The following IL1RAPL1 variants were observed in gnomAD, a reference collection of about 807,000 sequenced individuals.
IL1RAPL1 encodes interleukin-1 receptor accessory protein-like 1.
IL1RAPL1 carries 3 observed loss-of-function variants against 48.4 expected under a neutral mutation model. That is an observed-to-expected ratio of 0.06 (90% CI 0.03 to 0.16). IL1RAPL1 has a LOEUF of 0.16. Ranked by LOEUF, IL1RAPL1 falls within the 10% of genes least tolerant of loss-of-function variation. IL1RAPL1 has a pLI of 1.00. For synonymous variants in IL1RAPL1, 185 were observed against 187.7 expected, an observed-to-expected ratio of 0.99 and a Z score of 0.12; for missense variants, 349 against 530.6, an observed-to-expected ratio of 0.66 and a Z score of 3.36.
At chrX:28,652,327 T>C (rs1412837407) in intron 1 of IL1RAPL1, among the ~76,000 whole-genome samples, 5 of 111,429 alleles carry the variant, frequency 4.5e-5, no homozygotes, top group Admixed American at 9.5e-5. Context: ...ACAGAGTGTA[T>C]TGAAGAATGT....
chrX:29,234,588 C>T (rs1016545668), intron 2 of IL1RAPL1, among the ~76,000 whole-genome samples: 3 of 112,035 alleles, frequency 2.7e-5, no homozygotes, highest in Admixed American at 1.9e-4. Context: ...TATCATCTGT[C>T]CTCCTACACA....
chrX:28,768,254 TCTTTA>T (rs903162323), intron 1 of IL1RAPL1, among the ~76,000 whole-genome samples: 1 of 111,454 alleles, frequency 9.0e-6, no homozygotes, highest in African/African-American at 3.3e-5. Flanking sequence ...TGCACTTTGA[TCTTTA>T]CTTTGTATTA....
chrX:29,636,328 A>T (rs1334897117), intron 5 of IL1RAPL1, among the ~76,000 whole-genome samples: 1 of 112,009 alleles, frequency 8.9e-6, no homozygotes, highest in East Asian at 2.8e-4. Context: ...ACAACTTAAA[A>T]CAATAGTGAG....
At chrX:29,555,278 A>G (rs1921955763) in intron 5 of IL1RAPL1, among the ~76,000 whole-genome samples, 1 of 112,500 alleles carries the variant, frequency 8.9e-6, no homozygotes, top group Non-Finnish European at 1.9e-5. Context: ...GATCTGTTTG[A>G]CCTACAGAGA....
intron 1 of IL1RAPL1, among the ~76,000 whole-genome samples, chrX:28,674,253 TA>T (rs1234685326): frequency 1.2e-4 from 13 of 106,594 alleles, no homozygotes; most frequent in East Asian, 5.9e-4. Flanking sequence ...AAGTAAGATT[TA>T]AAAAAAAAAC....
At chrX:29,752,411 G>A (rs1254393909) in intron 6 of IL1RAPL1, among the ~76,000 whole-genome samples, 1 of 102,379 alleles carries the variant, frequency 9.8e-6, no homozygotes, top group Non-Finnish European at 2.0e-5. Context: ...CAGGAGAATC[G>A]CTTGAACCCA....
intron 3 of IL1RAPL1, among the ~76,000 whole-genome samples, chrX:29,336,153 A>G (rs1027714352): frequency 8.8e-5 from 9 of 102,531 alleles, no homozygotes; most frequent in African/African-American, 3.2e-4. Context: ...ATATACCTAT[A>G]TTATTATTCT....
rs757087278 is a variant in IL1RAPL1 at position 29,668,413 on chromosome X, T to A, written c.704-17T>A. 2.6e-6 allele frequency: 3 copies of A among 1,167,180 alleles called. No homozygotes were observed. The highest frequency in any genetic ancestry group is 3.5e-6 in the Non-Finnish European group (3 of 855,091). ...ATAACTATAAGTCTCTGTATTATTA[T>A]TGTTGTTGTTTTTCAGCCCCTCTGA... On this transcript the variant is annotated splice_polypyrimidine_tract_variant and intron_variant, in intron 5 of 10. Coordinates refer to ENST00000378993, the MANE Select transcript of IL1RAPL1 (RefSeq NM_014271.4).
chrX:29,491,779 A>G (rs970498668), intron 5 of IL1RAPL1, among the ~76,000 whole-genome samples: 1 of 111,148 alleles, frequency 9.0e-6, no homozygotes, highest in Non-Finnish European at 1.9e-5. Context: ...GAAAAGTTTT[A>G]TTTTCTACTA....
chrX:29,011,019 GA>G (rs1052305794), intron 2 of IL1RAPL1, among the ~76,000 whole-genome samples: 1 of 111,573 alleles, frequency 9.0e-6, no homozygotes, highest in South Asian at 3.7e-4. Context: ...TGAGAGGGAA[GA>G]AAAAAATCTA....
intron 3 of IL1RAPL1, among the ~76,000 whole-genome samples, chrX:29,311,702 AATTT>A (rs1191419637): frequency 4.5e-5 from 5 of 112,054 alleles, no homozygotes; most frequent in African/African-American, 9.7e-5. Flanking sequence ...CAAAGAAAAA[AATTT>A]ATTTATTTTT....
chrX:29,870,506 G>T (rs1002174249), intron 6 of IL1RAPL1, among the ~76,000 whole-genome samples: 1 of 111,934 alleles, frequency 8.9e-6, no homozygotes, highest in Non-Finnish European at 1.9e-5. Context: ...GCTTGTATTA[G>T]TCATAATTCC....
At chrX:29,715,397 C>A (rs140354435) in intron 6 of IL1RAPL1, among the ~76,000 whole-genome samples, 1,853 of 111,276 alleles carry the variant, frequency 0.017, 35 homozygotes, top group African/African-American at 0.057. Context: ...TGCTGTTGCT[C>A]TAGATAACAC....
intron 2 of IL1RAPL1, among the ~76,000 whole-genome samples, chrX:29,176,275 T>G (rs915939806): frequency 2.9e-5 from 3 of 103,140 alleles, no homozygotes; most frequent in African/African-American, 1.1e-4. Flanking sequence ...TTTTTTTTTT[T>G]GTATTTTTTT....
intron 5 of IL1RAPL1, among the ~76,000 whole-genome samples, chrX:29,639,202 C>G (rs866354841): frequency 9.7e-6 from 1 of 102,696 alleles, no homozygotes; most frequent in Non-Finnish European, 2.0e-5. Context: ...AAAAAAAAAA[C>G]AGGTTTTAAA....
intron 2 of IL1RAPL1, among the ~76,000 whole-genome samples, chrX:29,193,380 T>C (rs773829639): frequency 9.0e-6 from 1 of 111,200 alleles, no homozygotes; most frequent in Admixed American, 9.7e-5. Context: ...AAATAAAGTT[T>C]TCTGTTTTTT....
chrX:29,168,669 T>TAGTATATATATTCATATATACA lies in IL1RAPL1; in HGVS notation c.83-114268_83-114267insGTATATATATTCATATATACAA, dbSNP rs1929840110. 2.1e-5 allele frequency among the ~76,000 whole-genome samples: 2 copies of TAGTATATATATTCATATATACA among 96,204 alleles called. 1 individual carries two copies. Among genetic ancestry groups the TAGTATATATATTCATATATACA allele is most frequent in the Non-Finnish European group, 4.1e-5 (2 of 48,884 alleles). The allele number at this position is 96,204 out of a possible 115,157, so 83.5% of individuals were successfully genotyped here. On this transcript the variant is annotated intron_variant, in intron 2 of 10. Coordinates refer to ENST00000378993, the MANE Select transcript of IL1RAPL1 (RefSeq NM_014271.4). ...ATGTATTGTATATGTATTGTATATA[T>TAGTATATATATTCATATATACA]ATTGTATATATATTCATATGTACAA...
intron 3 of IL1RAPL1, among the ~76,000 whole-genome samples, chrX:29,367,307 A>G (rs1933475917): frequency 8.9e-6 from 1 of 111,985 alleles, no homozygotes; most frequent in South Asian, 3.7e-4. Context: ...AGAACAGAGG[A>G]GCAAGATGAA....
chrX:29,192,604 G>T (rs1446567017), intron 2 of IL1RAPL1, among the ~76,000 whole-genome samples: 2 of 111,525 alleles, frequency 1.8e-5, no homozygotes, highest in Non-Finnish European at 3.8e-5. Flanking sequence ...TAATGGTTTT[G>T]GCTTATAATA....
Sources: allele counts gnomAD v4.1 joint callset (sites outside exome capture counted in the v4.1 genomes callset), GRCh38; gene constraint gnomAD v4.1.1; transcripts MANE v1.5; gene names NCBI Gene and HGNC (gene_info 2026-07-23, HGNC 2026-07-21).